SOAT1: variants seen among roughly 807,000 people sequenced by gnomAD.
SOAT1 encodes acyl-coenzyme A:cholesterol acyltransferase 1.
Under a neutral mutation model 69.5 loss-of-function variants are expected in SOAT1, and 55 were observed. The observed-to-expected ratio is 0.79, with a 90% confidence interval of 0.64 to 0.99. SOAT1 has a LOEUF of 0.99. Ranked by LOEUF, SOAT1 falls within the 50% of genes least tolerant of loss-of-function variation. The probability of loss-of-function intolerance (pLI) is 0.00; values close to 1 mark genes in which losing one functional copy is unlikely to be tolerated. For synonymous variants in SOAT1, 231 were observed against 224.7 expected, an observed-to-expected ratio of 1.03 and a Z score of -0.25; for missense variants, 580 against 669.3, an observed-to-expected ratio of 0.87 and a Z score of 1.47.
Position 179,353,747 on chromosome 1 carries a change from C to T in SOAT1, c.*106C>T. Reference sequence around the variant, plus strand: ...GAAGTTATCTGTGTTATTTGGACCACTCCAGGCTTTACAGATGACTCACTC... The same window carrying T: ...GAAGTTATCTGTGTTATTTGGACCATTCCAGGCTTTACAGATGACTCACTC... On this transcript the variant is annotated 3_prime_UTR_variant, in exon 16 of 16. Coordinates refer to ENST00000367619, the MANE Select transcript of SOAT1 (RefSeq NM_003101.6). 2.1e-6 allele frequency: 2 copies of T among 961,380 alleles called. No homozygotes were observed. Among genetic ancestry groups the T allele is most frequent in the Middle Eastern group, 2.1e-4 (1 of 4,676 alleles). The allele number at this position is 961,380 out of a possible 1,614,324, so 59.6% of individuals were successfully genotyped here. A position where few individuals can be genotyped will look rare whatever the true frequency, so the allele number is the denominator to read the frequency against.
chr1:179,326,545 CTTTTCTTTTTTTTT>C (rs1353864049), intron 3 of SOAT1, among the ~76,000 whole-genome samples: 2 of 99,400 alleles, frequency 2.0e-5, no homozygotes, highest in Admixed American at 2.6e-4. Flanking sequence ...ATTGTAATTT[CTTTTCTTTTTTTTT>C]TTTTTTTTTT....
At chr1:179,316,402 A>AT (rs926760154) in intron 2 of SOAT1, among the ~76,000 whole-genome samples, 4 of 150,824 alleles carry the variant, frequency 2.7e-5, no homozygotes, top group Non-Finnish European at 5.9e-5. Flanking sequence ...TATTATTATT[A>AT]TTTTTTCTTT....
chr1:179,340,845 TAAAGCAGATGGTTA>T (rs1321013312), intron 6 of SOAT1, among the ~76,000 whole-genome samples, 169 bp from the exon 7 acceptor site: 5 of 149,094 alleles, frequency 3.4e-5, no homozygotes, highest in Non-Finnish European at 7.5e-5. Flanking sequence ...ATATATATTG[TAAAGCAGATGGTTA>T]GAAGCAGATC....
Position 179,342,278 on chromosome 1 carries a change from T to G in SOAT1, c.859+86T>G. 1.6e-5 allele frequency: 11 copies of G among 708,994 alleles called. 1 individual carries two copies. In the South Asian group the frequency reaches 2.1e-4, roughly 14 times the overall value. 43.9% of individuals were successfully genotyped at this position (708,994 alleles called of 1,614,324 possible). A position where few individuals can be genotyped will look rare whatever the true frequency, so the allele number is the denominator to read the frequency against. On this transcript the variant is annotated intron_variant, in intron 8 of 15. Coordinates refer to ENST00000367619, the MANE Select transcript of SOAT1 (RefSeq NM_003101.6). ...TTCCCTTCCCTTCCCTTCCCTTCTTTCCTTCTTTCCTTCCCTCCCTCCCTC... is the reference window on the plus strand; with the variant it reads ...TTCCCTTCCCTTCCCTTCCCTTCTTGCCTTCTTTCCTTCCCTCCCTCCCTC...
At chr1:179,327,403 T>C (rs79606986) in intron 3 of SOAT1, among the ~76,000 whole-genome samples, 4,681 of 152,254 alleles carry the variant, frequency 0.031, 137 homozygotes, top group African/African-American at 0.073. Flanking sequence ...CAAGGTCCCT[T>C]TTAGCTCTAA....
At chr1:179,309,159 C>T (rs1214640709) in intron 2 of SOAT1, among the ~76,000 whole-genome samples, 1 of 152,194 alleles carries the variant, frequency 6.6e-6, no homozygotes, top group Non-Finnish European at 1.5e-5. Context: ...TCTTGGCTCA[C>T]TACAACCTCC....
At chr1:179,305,456 A>G (rs923541926) in intron 2 of SOAT1, among the ~76,000 whole-genome samples, 1 of 150,918 alleles carries the variant, frequency 6.6e-6, no homozygotes, top group Non-Finnish European at 1.5e-5. Flanking sequence ...TTGTATAGGT[A>G]TGATACAGTT....
intron 15 of SOAT1, among the ~76,000 whole-genome samples, chr1:179,353,065 A>G (rs1270773157): frequency 6.9e-6 from 1 of 144,884 alleles, no homozygotes; most frequent in African/African-American, 2.5e-5. Flanking sequence ...ATTTTTATAT[A>G]TATGTCATTT....
At chr1:179,343,035 A>G in intron 9 of SOAT1, 92 bp downstream of exon 9, 1 of 936,280 alleles carries the variant, frequency 1.1e-6, no homozygotes, top group Non-Finnish European at 1.7e-6. Flanking sequence ...TCATGTAGGG[A>G]CATAGAAAAT....
chr1:179,337,988 C>G, intron 5 of SOAT1, 92 bp downstream of exon 5: 1 of 792,146 alleles, frequency 1.3e-6, no homozygotes, highest in Non-Finnish European at 2.0e-6. Context: ...GTAATGAGTT[C>G]TGTATCTGTA....
intron 1 of SOAT1, among the ~76,000 whole-genome samples, chr1:179,296,135 T>C: frequency 6.6e-6 from 1 of 152,060 alleles, no homozygotes; most frequent in East Asian, 1.9e-4. Context: ...CGGCTAATTT[T>C]TGTATTTTTA....
At chr1:179,302,236 C>T (rs954718066) in intron 1 of SOAT1, among the ~76,000 whole-genome samples, 1 of 152,162 alleles carries the variant, frequency 6.6e-6, no homozygotes, top group Non-Finnish European at 1.5e-5. Flanking sequence ...CATTTCACCT[C>T]TCCTAAATAT....
At chr1:179,319,426 A>T (rs533062472) in intron 2 of SOAT1, among the ~76,000 whole-genome samples, 1 of 151,772 alleles carries the variant, frequency 6.6e-6, no homozygotes, top group African/African-American at 2.4e-5. Context: ...TGTGCCACCC[A>T]TGCCTGGCTA....
chr1:179,346,563 A>G (rs983040914), intron 11 of SOAT1, among the ~76,000 whole-genome samples: 3 of 152,240 alleles, frequency 2.0e-5, no homozygotes, highest in Admixed American at 6.5e-5. Flanking sequence ...GCATAAACCC[A>G]GTTGTGGATA....
intron 13 of SOAT1, 103 bp from the exon 14 acceptor site, chr1:179,350,193 C>T: frequency 1.1e-6 from 1 of 898,184 alleles, no homozygotes. Context: ...AAATTAAGTA[C>T]AAATACAATA....
intron 1 of SOAT1, among the ~76,000 whole-genome samples, chr1:179,302,297 T>C (rs10913709): frequency 0.19 from 29,136 of 152,154 alleles, 2,998 homozygotes; most frequent in Non-Finnish European, 0.23. Context: ...AAAGCTGATA[T>C]ATTGGTTTGC....
intron 3 of SOAT1, among the ~76,000 whole-genome samples, chr1:179,326,311 A>G (rs761362519): frequency 4.1e-4 from 62 of 152,174 alleles, no homozygotes; most frequent in Non-Finnish European, 1.0e-4. Context: ...TGCTGCTTCT[A>G]CAGTTTTCTG....
chr1:179,334,300 A>G (rs904881782), intron 3 of SOAT1, among the ~76,000 whole-genome samples: 3 of 152,182 alleles, frequency 2.0e-5, no homozygotes, highest in African/African-American at 7.2e-5. Context: ...TTAGAGTAGA[A>G]TATGTTAAGG....
intron 2 of SOAT1, among the ~76,000 whole-genome samples, chr1:179,309,699 T>A (rs1211860642): frequency 6.6e-6 from 1 of 152,068 alleles, no homozygotes; most frequent in Non-Finnish European, 1.5e-5. Flanking sequence ...CCTTATCTGG[T>A]GGTTATTATT....
Sources: gnomAD v4.1 joint callset for allele counts (sites outside exome capture counted in the v4.1 genomes callset) on GRCh38, gnomAD v4.1.1 for gene constraint, MANE v1.5 for transcripts, NCBI Gene and HGNC (gene_info 2026-07-23, HGNC 2026-07-21) for gene names.